TCF7L2: variants seen among roughly 807,000 people sequenced by gnomAD.
TCF7L2 encodes transcription factor 7-like 2.
TCF7L2 carries 23 observed loss-of-function variants against 77.9 expected under a neutral mutation model. That is an observed-to-expected ratio of 0.30 (90% CI 0.21 to 0.42). The LOEUF (loss-of-function observed/expected upper bound fraction) is 0.42. Among genes scored for constraint, TCF7L2 ranks in the 10% least tolerant of loss-of-function variants. TCF7L2 has a pLI of 1.00. For synonymous variants in TCF7L2, 413 were observed against 340.2 expected, an observed-to-expected ratio of 1.21 and a Z score of -2.36; for missense variants, 654 against 793.1, an observed-to-expected ratio of 0.82 and a Z score of 2.11.
intron 4 of TCF7L2, among the ~76,000 whole-genome samples, chr10:112,995,968 C>A (rs923734895): frequency 1.3e-5 from 2 of 152,130 alleles, no homozygotes; most frequent in Non-Finnish European, 2.9e-5. Context: ...AGCTGTGAGC[C>A]TCTAGGAGCT....
At chr10:113,034,858 T>C (rs2050876804) in intron 4 of TCF7L2, among the ~76,000 whole-genome samples, 1 of 152,210 alleles carries the variant, frequency 6.6e-6, no homozygotes, top group South Asian at 2.1e-4. Flanking sequence ...CTTGCGTCAC[T>C]GCACTCCAGC....
At chr10:113,014,998 C>A (rs1423120946) in intron 4 of TCF7L2, among the ~76,000 whole-genome samples, 7 of 152,108 alleles carry the variant, frequency 4.6e-5, no homozygotes. Context: ...CCAGCCTGGC[C>A]AACATGGTGA....
intron 4 of TCF7L2, among the ~76,000 whole-genome samples, chr10:112,995,969 T>C (rs2043395672): frequency 6.6e-6 from 1 of 152,224 alleles, no homozygotes; most frequent in Non-Finnish European, 1.5e-5. Context: ...GCTGTGAGCC[T>C]CTAGGAGCTG....
chr10:113,110,621 C>A (rs1470888702), intron 5 of TCF7L2, among the ~76,000 whole-genome samples: 1 of 152,104 alleles, frequency 6.6e-6, no homozygotes, highest in Non-Finnish European at 1.5e-5. Context: ...TGGCTTTTGA[C>A]CCCTACATCT....
chr10:112,992,651 C>T (rs116859590), intron 4 of TCF7L2, among the ~76,000 whole-genome samples: 3,107 of 152,160 alleles, frequency 0.02, 41 homozygotes, highest in Middle Eastern at 0.075. Context: ...TGGAGTTTCT[C>T]GAGGAAGACT....
intron 5 of TCF7L2, among the ~76,000 whole-genome samples, chr10:113,114,193 G>T (rs886489897): frequency 1.3e-5 from 2 of 152,256 alleles, no homozygotes; most frequent in African/African-American, 2.4e-5. Context: ...CTTATCAGTA[G>T]GTTGCATGGT....
In TCF7L2 at chr10:113,146,077, C is replaced by T. The variant is rs145083306; in HGVS notation, c.855C>T (p.Thr285=). The T allele has an allele frequency of 4.1e-4, 654 of 1,613,768 alleles. 1 individual carries two copies. The African/African-American group carries it at 7.3e-3, about 18-fold the overall frequency. Residue 285 remains threonine, a synonymous_variant, in exon 8 of 14, where the codon ACC becomes ACT. Transcript: ENST00000627217. ...GACACCCCTACCCCACAGCTCTGAC[C>T]GTCAATGCTTCCATGTCCAGGTGAG...
chr10:113,021,875 G>A (rs2048315552), intron 4 of TCF7L2, among the ~76,000 whole-genome samples: 1 of 152,208 alleles, frequency 6.6e-6, no homozygotes, highest in South Asian at 2.1e-4. Flanking sequence ...CCAGAGGCTG[G>A]CGATGGTCCC....
chr10:113,132,623 G>A (rs1310642362), intron 5 of TCF7L2, among the ~76,000 whole-genome samples: 1 of 152,122 alleles, frequency 6.6e-6, no homozygotes, highest in Non-Finnish European at 1.5e-5. Context: ...ATTTGGGATA[G>A]GTTCGATTTA....
chr10:113,013,664 A>T (rs928060512), intron 4 of TCF7L2, among the ~76,000 whole-genome samples: 4 of 152,302 alleles, frequency 2.6e-5, no homozygotes. Flanking sequence ...GCTCGTGGGC[A>T]TGTCTTTTTC....
At chr10:112,986,364 T>G (rs1052705033) in intron 4 of TCF7L2, among the ~76,000 whole-genome samples, 6 of 152,148 alleles carry the variant, frequency 3.9e-5, no homozygotes, top group South Asian at 2.1e-4. Context: ...GATTAGTTCC[T>G]AAAAGAAGCA....
chr10:113,023,900 C>T (rs916972851), intron 4 of TCF7L2, among the ~76,000 whole-genome samples: 2 of 151,654 alleles, frequency 1.3e-5, no homozygotes, highest in African/African-American at 2.4e-5. Flanking sequence ...CCTTGTGATC[C>T]GCCCGCCTCG....
At chr10:113,013,072 C>G (rs1199093143) in intron 4 of TCF7L2, among the ~76,000 whole-genome samples, 1 of 151,002 alleles carries the variant, frequency 6.6e-6, no homozygotes, top group African/African-American at 2.4e-5. Flanking sequence ...TCCAGCAGCT[C>G]ACGCTTAAGA....
chr10:112,971,167 C>G (rs2038159690), intron 4 of TCF7L2, among the ~76,000 whole-genome samples: 1 of 152,178 alleles, frequency 6.6e-6, no homozygotes, highest in Non-Finnish European at 1.5e-5. Flanking sequence ...CTTGCTCTCA[C>G]CAAGCTTAAA....
intron 4 of TCF7L2, among the ~76,000 whole-genome samples, chr10:112,995,711 C>A (rs750546196): frequency 6.6e-6 from 1 of 152,148 alleles, no homozygotes; most frequent in Non-Finnish European, 1.5e-5. Context: ...CTCGGAGAGG[C>A]CCTCTGGGAA....
chr10:113,041,792 C>T (rs370329973), intron 5 of TCF7L2, among the ~76,000 whole-genome samples: 3 of 152,058 alleles, frequency 2.0e-5, no homozygotes, highest in African/African-American at 2.4e-5. Flanking sequence ...TCAGGTTTCC[C>T]GCCTCCCTGA....
At chr10:113,160,405 G>A (rs576451228) in intron 12 of TCF7L2, among the ~76,000 whole-genome samples, 3 of 151,720 alleles carry the variant, frequency 2.0e-5, no homozygotes, top group Non-Finnish European at 2.9e-5. Flanking sequence ...GTTTCTGGTT[G>A]TTGTTTTGTG....
chr10:113,036,861 G>A (rs1041069624), intron 4 of TCF7L2, among the ~76,000 whole-genome samples: 1 of 152,094 alleles, frequency 6.6e-6, no homozygotes, highest in Non-Finnish European at 1.5e-5. Flanking sequence ...TGTTGTTTTT[G>A]TAGTGGGATG....
intron 3 of TCF7L2, among the ~76,000 whole-genome samples, chr10:112,955,936 C>A (rs960699558): frequency 6.6e-6 from 1 of 151,276 alleles, no homozygotes; most frequent in Non-Finnish European, 1.5e-5. Context: ...GTTTCGAATG[C>A]CTCCTTACAT....
Sources: gnomAD v4.1 joint callset for allele counts (sites outside exome capture counted in the v4.1 genomes callset) on GRCh38, gnomAD v4.1.1 for gene constraint, MANE v1.5 for transcripts, NCBI Gene and HGNC (gene_info 2026-07-23, HGNC 2026-07-21) for gene names.